The following STXBP5L variants were observed in gnomAD, a reference collection of about 807,000 sequenced individuals.
STXBP5L encodes syntaxin-binding protein 5-like.
Under a neutral mutation model 144.5 loss-of-function variants are expected in STXBP5L, and 65 were observed. The observed-to-expected ratio is 0.45, with a 90% CI of 0.37 to 0.55. The LOEUF is 0.55. Among genes scored for constraint, STXBP5L ranks in the 20% least tolerant of loss-of-function variants. STXBP5L has a pLI of 0.00. For synonymous variants in STXBP5L, 505 were observed against 469.6 expected (o/e 1.08, Z -0.97); for missense variants, 1,298 against 1,405.5 (o/e 0.92, Z 1.22).
chr3:121,401,052 A>G (rs114464285), intron 22 of STXBP5L, among the ~76,000 whole-genome samples: 3,063 of 152,198 alleles, frequency 0.02, 48 homozygotes, highest in Middle Eastern at 0.065. Context: ...GCTCATTTAT[A>G]TGAAATCCAA....
intron 9 of STXBP5L, among the ~76,000 whole-genome samples, chr3:121,159,627 C>CTTTTTTTTTTT (rs1161847567): frequency 8.2e-6 from 1 of 121,932 alleles, no homozygotes; most frequent in African/African-American, 3.1e-5. Context: ...TGTACATTTT[C>CTTTTTTTTTTT]TTTTTTTTTT....
intron 12 of STXBP5L, among the ~76,000 whole-genome samples, chr3:121,235,673 T>A (rs2049453990): frequency 6.6e-6 from 1 of 152,156 alleles, no homozygotes. Flanking sequence ...ATATCTAGTT[T>A]AACCTCTGGT....
intron 3 of STXBP5L, among the ~76,000 whole-genome samples, chr3:120,970,535 T>G (rs1227666959): frequency 6.6e-6 from 1 of 152,138 alleles, no homozygotes; most frequent in African/African-American, 2.4e-5. Context: ...CTGAGAAATC[T>G]GCTGCAATCT....
intron 7 of STXBP5L, among the ~76,000 whole-genome samples, chr3:121,144,500 T>C (rs922996083): frequency 2.0e-5 from 3 of 151,906 alleles, no homozygotes; most frequent in African/African-American, 4.8e-5. Context: ...GTGAAGATAT[T>C]GGAACACTTG....
chr3:121,018,415 T>G (rs1945295693), intron 3 of STXBP5L, among the ~76,000 whole-genome samples: 1 of 151,768 alleles, frequency 6.6e-6, no homozygotes, highest in Non-Finnish European at 1.5e-5. Flanking sequence ...AAAATAGATC[T>G]GTATAAATAC....
chr3:121,381,168 A>G, intron 21 of STXBP5L, 125 bp from the exon 22 acceptor site: 1 of 928,580 alleles, frequency 1.1e-6, no homozygotes, highest in Non-Finnish European at 1.6e-6. Context: ...GCTCCCTCTC[A>G]GGTCAATTAA....
intron 5 of STXBP5L, among the ~76,000 whole-genome samples, chr3:121,051,967 A>G (rs1948041112): frequency 6.6e-6 from 1 of 152,208 alleles, no homozygotes; most frequent in African/African-American, 2.4e-5. Flanking sequence ...ATGGAAATAA[A>G]CTAGAAAATC....
intron 3 of STXBP5L, among the ~76,000 whole-genome samples, chr3:120,983,598 T>C (rs936249140): frequency 5.9e-5 from 9 of 152,136 alleles, no homozygotes; most frequent in African/African-American, 1.7e-4. Context: ...TGCCTTTGTG[T>C]AATTTCTAGG....
chr3:121,146,929 T>A (rs2045733525), intron 7 of STXBP5L, among the ~76,000 whole-genome samples: 1 of 152,100 alleles, frequency 6.6e-6, no homozygotes, highest in Non-Finnish European at 1.5e-5. Flanking sequence ...TGTGTGTATG[T>A]ATAATTTGAT....
intron 2 of STXBP5L, among the ~76,000 whole-genome samples, chr3:120,949,497 A>C (rs897054254): frequency 1.3e-5 from 2 of 152,130 alleles, no homozygotes; most frequent in Admixed American, 1.3e-4. Flanking sequence ...GCCTAAGCCA[A>C]TGTCTAGAAG....
rs536813711 is a variant in STXBP5L at position 121,134,202 on chromosome 3, G to A, written c.669+12498G>A. On this transcript the variant is annotated intron_variant, in intron 7 of 26. Transcript: ENST00000471454. ...AGGGACTCTGTGGTGTCCCGAGGTG[G>A]TGCAGGGCATCACATGGTGAGGGAG... Among the ~76,000 whole-genome samples the A allele has an allele frequency of 1.2e-4, 19 of 152,254 alleles. No individual in the cohort carries two copies. The East Asian group carries it at 3.7e-3, about 29-fold the overall frequency.
chr3:120,935,758 A>AG (rs1710233104), intron 2 of STXBP5L, among the ~76,000 whole-genome samples: 1 of 151,648 alleles, frequency 6.6e-6, no homozygotes. Context: ...AGTCCTCAAT[A>AG]GATAAAGTTT....
At chr3:121,171,262 C>A (rs2046704693) in intron 9 of STXBP5L, among the ~76,000 whole-genome samples, 1 of 152,158 alleles carries the variant, frequency 6.6e-6, no homozygotes. Flanking sequence ...ACTCAATGGG[C>A]AAAAGCTGTA....
At chr3:121,201,881 G>A (rs1453857715) in intron 9 of STXBP5L, among the ~76,000 whole-genome samples, 6 of 152,138 alleles carry the variant, frequency 3.9e-5, no homozygotes, top group Admixed American at 2.0e-4. Context: ...TCAGCCTCCC[G>A]AGTAGATGGG....
chr3:121,138,349 AT>A, intron 7 of STXBP5L, among the ~76,000 whole-genome samples: 1 of 152,210 alleles, frequency 6.6e-6, no homozygotes, highest in African/African-American at 2.4e-5. Flanking sequence ...TGATCTATAG[AT>A]TCAATACAGT....
chr3:121,361,743 A>G (rs1560021322), intron 20 of STXBP5L, among the ~76,000 whole-genome samples: 1 of 151,402 alleles, frequency 6.6e-6, no homozygotes, highest in Non-Finnish European at 1.5e-5. Flanking sequence ...AGCTATTTTG[A>G]GTTCTCTATA....
intron 5 of STXBP5L, among the ~76,000 whole-genome samples, chr3:121,078,504 T>C (rs531443737): frequency 6.6e-6 from 1 of 152,368 alleles, no homozygotes; most frequent in Non-Finnish European, 1.5e-5. Context: ...CAGGTGGAGC[T>C]GCCTGCCAGT....
At chr3:121,397,512 T>C (rs1298040649) in intron 22 of STXBP5L, among the ~76,000 whole-genome samples, 1 of 152,218 alleles carries the variant, frequency 6.6e-6, no homozygotes, top group Non-Finnish European at 1.5e-5. Flanking sequence ...TTAATCATTT[T>C]AAAGGTATAG....
chr3:121,271,344 T>C (rs1043463247), intron 18 of STXBP5L, among the ~76,000 whole-genome samples: 13 of 152,206 alleles, frequency 8.5e-5, no homozygotes, highest in Non-Finnish European at 1.9e-4. Flanking sequence ...GTCCTTTTGA[T>C]ATGTTCCCAT....
Sources: allele counts gnomAD v4.1 joint callset (sites outside exome capture counted in the v4.1 genomes callset), GRCh38; gene constraint gnomAD v4.1.1; transcripts MANE v1.5; gene names NCBI Gene and HGNC (gene_info 2026-07-23, HGNC 2026-07-21).